ITPR1: variants seen among roughly 807,000 people sequenced by gnomAD.
ITPR1 encodes inositol 1,4,5-trisphosphate-gated calcium channel ITPR1.
Under a neutral mutation model 318.4 loss-of-function variants are expected in ITPR1, and 96 were observed. That is an observed-to-expected ratio of 0.30 (90% CI 0.26 to 0.36). The LOEUF (loss-of-function observed/expected upper bound fraction) is 0.36, where lower values mean the gene tolerates loss of function less well. Among genes scored for constraint, ITPR1 ranks in the 10% least tolerant of loss-of-function variants. The probability of loss-of-function intolerance (pLI) is 1.00; values close to 1 mark genes in which losing one functional copy is unlikely to be tolerated. For missense variants in ITPR1, 2,440 were observed against 3,460.2 expected (o/e 0.71, Z 7.40); for synonymous variants, 1,312 against 1,289.9 (o/e 1.02, Z -0.37).
intron 44 of ITPR1, among the ~76,000 whole-genome samples, chr3:4,754,684 C>T (rs1251945711): frequency 6.6e-6 from 1 of 152,224 alleles, no homozygotes; most frequent in Admixed American, 6.5e-5. Context: ...ACCAAACTCT[C>T]CTTTGCTTTA....
chr3:4,777,565 A>T (rs2046557195), intron 48 of ITPR1, among the ~76,000 whole-genome samples, 191 bp downstream of exon 48: 1 of 151,902 alleles, frequency 6.6e-6, no homozygotes, highest in African/African-American at 2.4e-5. Flanking sequence ...AAGGTATCTC[A>T]TGAGGGGATA....
chr3:4,755,323 C>T (rs767969706), intron 44 of ITPR1, among the ~76,000 whole-genome samples: 10 of 151,916 alleles, frequency 6.6e-5, no homozygotes, highest in Non-Finnish European at 1.5e-4. Context: ...TCCCAGTTCC[C>T]GTGGGCACTG....
chr3:4,747,430 C>T (rs1030733657), intron 44 of ITPR1, among the ~76,000 whole-genome samples: 1 of 152,230 alleles, frequency 6.6e-6, no homozygotes, highest in East Asian at 1.9e-4. Flanking sequence ...CCTCCTTACT[C>T]CACCAATTTT....
chr3:4,516,420 TCCCC>T, intron 2 of ITPR1, 52 bp from the exon 3 acceptor site: 1 of 946,468 alleles, frequency 1.1e-6, no homozygotes, highest in Non-Finnish European at 1.6e-6. Context: ...GTGACTTTTT[TCCCC>T]TTCTGAACAT....
chr3:4,727,297 C>A, intron 42 of ITPR1, 124 bp downstream of exon 42: 1 of 645,792 alleles, frequency 1.5e-6, no homozygotes, highest in Non-Finnish European at 2.6e-6. Flanking sequence ...TTAATTGACT[C>A]AAGAGCAATC....
intron 4 of ITPR1, among the ~76,000 whole-genome samples, chr3:4,540,584 G>A (rs918602929): frequency 6.6e-6 from 1 of 152,066 alleles, no homozygotes; most frequent in Non-Finnish European, 1.5e-5. Flanking sequence ...GTGTGTATGT[G>A]TGTGTGCACG....
intron 32 of ITPR1, among the ~76,000 whole-genome samples, chr3:4,693,077 T>A (rs2094504368): frequency 6.6e-6 from 1 of 152,102 alleles, no homozygotes; most frequent in Non-Finnish European, 1.5e-5. Context: ...TGAGCCGAGA[T>A]CACGGCATTG....
intron 4 of ITPR1, among the ~76,000 whole-genome samples, chr3:4,625,549 C>T (rs759164484): frequency 2.6e-5 from 4 of 151,892 alleles, no homozygotes; most frequent in African/African-American, 4.8e-5. Context: ...ACTTCAAGTT[C>T]GTTAATTTTT....
chr3:4,843,880 C>T lies in ITPR1; in HGVS notation c.8191-2259C>T, dbSNP rs563032404. Reference sequence around the variant, plus strand: ...TGTTGTAAAGTTTCAGAGGTTTCTTCAAGTTGAAGAGAAAGACTAACTGAC... The same window carrying T: ...TGTTGTAAAGTTTCAGAGGTTTCTTTAAGTTGAAGAGAAAGACTAACTGAC... On this transcript the variant is annotated intron_variant, in intron 61 of 61. Transcript: ENST00000649015. Among the ~76,000 whole-genome samples the T allele has an allele frequency of 6.1e-4, 93 of 152,230 alleles. 1 individual carries two copies. Among genetic ancestry groups the T allele is most frequent in the Non-Finnish European group, 1.1e-3 (72 of 68,022 alleles).
rs765353571 is a variant in ITPR1 at position 4,675,149 on chromosome 3, G to T, written c.2680G>T (p.Ala894Ser). Residue 894 changes from alanine to serine, a missense_variant, in exon 23 of 62, where the codon GCC (alanine) becomes TCC (serine). Ala to Ser is a moderately conservative substitution (Grantham distance 99, BLOSUM62 1). Coordinates refer to ENST00000649015, the MANE Select transcript of ITPR1 (RefSeq NM_001378452.1). Reference protein sequence around the residue: ...DLLRLTKILLAILDCVHVTTI... With the variant: ...DLLRLTKILLSILDCVHVTTI... ...TCTACGATTAACTAAGATCCTTCTG[G>T]CCATATTGGACTGTGTACATGTGAC... The T allele has an allele frequency of 1.2e-6, 2 of 1,609,460 alleles. No homozygotes were observed. Among genetic ancestry groups the T allele is most frequent in the East Asian group, 2.2e-5 (1 of 44,822 alleles).
chr3:4,540,014 C>T (rs1015861335), intron 4 of ITPR1, among the ~76,000 whole-genome samples: 2 of 144,080 alleles, frequency 1.4e-5, no homozygotes, highest in African/African-American at 5.2e-5. Flanking sequence ...AAATTACTTA[C>T]AGTGAATTTT....
At chr3:4,730,638 G>A (rs1311893678) in intron 42 of ITPR1, among the ~76,000 whole-genome samples, 3 of 151,966 alleles carry the variant, frequency 2.0e-5, no homozygotes, top group Non-Finnish European at 2.9e-5. Flanking sequence ...CCTCCTGCTT[G>A]CTTGATTGCA....
At chr3:4,651,071 C>G (rs1365084986) in intron 10 of ITPR1, among the ~76,000 whole-genome samples, 1 of 152,066 alleles carries the variant, frequency 6.6e-6, no homozygotes. Flanking sequence ...AAGATGGGAC[C>G]CCTTTGATGT....
At chr3:4,699,783 TA>T (rs1385710627) in intron 34 of ITPR1, 29 bp from the exon 35 acceptor site, 3 of 1,609,092 alleles carry the variant, frequency 1.9e-6, no homozygotes, top group Admixed American at 3.3e-5. Context: ...GGTTTTGGTG[TA>T]ATGCTTAACA....
Position 4,676,664 on chromosome 3 carries a change from G to A in ITPR1, c.2830G>A (p.Val944Met), listed in dbSNP as rs1230806975. 3 of 1,613,708 alleles carry A rather than the reference G, an allele frequency of 1.9e-6. No individual in the cohort carries two copies. The African/African-American group carries it at 4.0e-5, about 22-fold the overall frequency. Residue 944 changes from valine to methionine, a missense_variant, in exon 24 of 62, where the codon GTG becomes ATG. Around this residue, in one of 23 missense-constraint regions of ITPR1, gnomAD observed 478 missense variants for 696.3 expected, o/e 0.69. Transcript: ENST00000649015. ...IHGVGELMTQ[V>M]VLRGGGFLPM... ...TGGCGTGGGAGAGCTGATGACCCAG[G>A]TGGTGCTCCGGGGAGGAGGCTTTTT...
intron 21 of ITPR1, among the ~76,000 whole-genome samples, chr3:4,673,923 C>T (rs1053123613): frequency 2.0e-5 from 3 of 152,146 alleles, no homozygotes; most frequent in African/African-American, 7.2e-5. Context: ...CTCTTTCATT[C>T]TGCAAATATT....
intron 42 of ITPR1, among the ~76,000 whole-genome samples, chr3:4,727,991 T>G (rs1332075218): frequency 2.0e-5 from 3 of 152,232 alleles, no homozygotes; most frequent in African/African-American, 7.2e-5. Flanking sequence ...ACAACTTTTG[T>G]ACCCTGTTTT....
At chr3:4,528,247 C>T (rs899891340) in intron 4 of ITPR1, among the ~76,000 whole-genome samples, 9 of 152,092 alleles carry the variant, frequency 5.9e-5, no homozygotes, top group Admixed American at 2.0e-4. Context: ...CTATTAGTGG[C>T]GGAAACAGGC....
chr3:4,819,778 T>A (rs1559953917), intron 60 of ITPR1, among the ~76,000 whole-genome samples: 1 of 151,868 alleles, frequency 6.6e-6, no homozygotes, highest in Non-Finnish European at 1.5e-5. Context: ...GAGGATGAAG[T>A]CACTAGGGTC....
Sources: allele counts gnomAD v4.1 joint callset (sites outside exome capture counted in the v4.1 genomes callset), GRCh38; gene constraint gnomAD v4.1.1; regional missense constraint gnomAD v4.1.1; transcripts MANE v1.5; gene names NCBI Gene and HGNC (gene_info 2026-07-23, HGNC 2026-07-21).